The following DRC11 variants were observed in gnomAD, a reference collection of about 807,000 sequenced individuals.
DRC11 encodes IQ and AAA domain-containing protein 1.
At chr2:236,356,338 A>C in the DRC11 span, among the ~76,000 whole-genome samples, 1 of 152,166 alleles carries the variant, frequency 6.6e-6, no homozygotes, top group Admixed American at 6.5e-5. Flanking sequence ...TACAGGAAGA[A>C]GCAGGATGGC....
the DRC11 span, among the ~76,000 whole-genome samples, chr2:236,327,982 A>G: frequency 5.1e-3 from 770 of 152,238 alleles, 7 homozygotes; most frequent in Middle Eastern, 0.01. Flanking sequence ...TTTCACTATC[A>G]AAAGTTCTAT....
chr2:236,361,156 C>A, the DRC11 span, among the ~76,000 whole-genome samples: 27,056 of 151,922 alleles, frequency 0.18, 2,691 homozygotes, highest in Non-Finnish European at 0.23. The surrounding 1 kb of genome is among the most constrained non-coding windows in gnomAD (Gnocchi z 5.7). Flanking sequence ...ATGAAATGGG[C>A]GGATAGAGAA....
chr2:236,502,548 C>CAAAAAAAAAAAAAAAAAAAAA, the DRC11 span, among the ~76,000 whole-genome samples: 12 of 15,088 alleles, frequency 8.0e-4, 2 homozygotes, highest in African/African-American at 1.1e-3. Context: ...TGCACTCCAG[C>CAAAAAAAAAAAAAAAAAAAAA]AAAAAAAAAA....
chr2:236,423,268 T>G, the DRC11 span, among the ~76,000 whole-genome samples: 1 of 151,566 alleles, frequency 6.6e-6, no homozygotes, highest in Admixed American at 6.6e-5. Flanking sequence ...ACAGGCAACC[T>G]ACAGAATGGG....
At chr2:236,338,694 C>G in the DRC11 span, among the ~76,000 whole-genome samples, 1 of 152,136 alleles carries the variant, frequency 6.6e-6, no homozygotes, top group Non-Finnish European at 1.5e-5. Flanking sequence ...GAAGCTCACT[C>G]GGACCTGTAA....
At chr2:236,504,507 C>T in the DRC11 span, among the ~76,000 whole-genome samples, 5 of 152,158 alleles carry the variant, frequency 3.3e-5, no homozygotes, top group Non-Finnish European at 7.3e-5. This position sits in a 1 kb window ranked among gnomAD's most constrained non-coding sequence, Gnocchi z 5.0. Flanking sequence ...AAAATAGAAA[C>T]CAGTGTCCTG....
chr2:236,389,311 G>C, the DRC11 span, among the ~76,000 whole-genome samples: 2 of 152,196 alleles, frequency 1.3e-5, no homozygotes, highest in African/African-American at 4.8e-5. Flanking sequence ...AGCAACCAGC[G>C]AGACTCCATG....
At chr2:236,421,287 G>C in the DRC11 span, among the ~76,000 whole-genome samples, 1 of 152,052 alleles carries the variant, frequency 6.6e-6, no homozygotes, top group Non-Finnish European at 1.5e-5. Context: ...TTTTTGAAAA[G>C]ATCAACTAAA....
At chr2:236,462,209 T>C in the DRC11 span, among the ~76,000 whole-genome samples, 6 of 152,060 alleles carry the variant, frequency 3.9e-5, no homozygotes, top group African/African-American at 1.2e-4. The surrounding 1 kb of genome is among the most constrained non-coding windows in gnomAD (Gnocchi z 6.4). Flanking sequence ...TGGTACCACC[T>C]ATGCTCATGG....
At chr2:236,335,051 T>G in the DRC11 span, among the ~76,000 whole-genome samples, 2 of 152,186 alleles carry the variant, frequency 1.3e-5, no homozygotes, top group Non-Finnish European at 2.9e-5. The surrounding 1 kb of genome is among the most constrained non-coding windows in gnomAD (Gnocchi z 5.6). Context: ...ACCTGAGGGC[T>G]GTGTTTCCTC....
At chr2:236,487,063 A>C in the DRC11 span, among the ~76,000 whole-genome samples, 2 of 152,208 alleles carry the variant, frequency 1.3e-5, no homozygotes, top group Non-Finnish European at 2.9e-5. Context: ...CTGTGATCAC[A>C]GGCAAAAACA....
At chr2:236,306,898 T>C in the DRC11 span, among the ~76,000 whole-genome samples, 32 of 152,292 alleles carry the variant, frequency 2.1e-4, no homozygotes, top group African/African-American at 7.2e-4. This position sits in a 1 kb window ranked among gnomAD's most constrained non-coding sequence, Gnocchi z 5.9. Flanking sequence ...TGTGTGTAAA[T>C]TATCACAGAG....
the DRC11 span, among the ~76,000 whole-genome samples, chr2:236,314,415 G>T: frequency 6.6e-6 from 1 of 152,156 alleles, no homozygotes; most frequent in Non-Finnish European, 1.5e-5. The surrounding 1 kb of genome is among the most constrained non-coding windows in gnomAD (Gnocchi z 4.5). Context: ...AAACAAGGAT[G>T]TCTTCTATGA....
chr2:236,493,938 T>G, the DRC11 span: 1 of 1,482,414 alleles, frequency 6.7e-7, no homozygotes. Flanking sequence ...ATGCCAGGAC[T>G]AGAACTTTAT....
chr2:236,502,572 A>AAAAAAAAAAAAAAAAAAAAAC, the DRC11 span, among the ~76,000 whole-genome samples: 1 of 142,824 alleles, frequency 7.0e-6, no homozygotes, highest in African/African-American at 2.7e-5. Context: ...AAAAAAAAAA[A>AAAAAAAAAAAAAAAAAAAAAC]AAAAAAAATA....
the DRC11 span, chr2:236,367,734 G>A: frequency 1.7e-5 from 3 of 178,134 alleles, no homozygotes; most frequent in Non-Finnish European, 2.4e-5. The surrounding 1 kb of genome is among the most constrained non-coding windows in gnomAD (Gnocchi z 4.8). Flanking sequence ...ATTTAGCAGT[G>A]AGAGTAGACG....
chr2:236,318,077 T>G, the DRC11 span, among the ~76,000 whole-genome samples: 2 of 152,200 alleles, frequency 1.3e-5, no homozygotes, highest in African/African-American at 4.8e-5. The surrounding 1 kb of genome is among the most constrained non-coding windows in gnomAD (Gnocchi z 7.0). Context: ...GCTTCTGGCC[T>G]GTTGCCAGTC....
At chr2:236,502,103 G>A in the DRC11 span, among the ~76,000 whole-genome samples, 1 of 152,132 alleles carries the variant, frequency 6.6e-6, no homozygotes, top group Non-Finnish European at 1.5e-5. Context: ...TCTTCAAAGT[G>A]CCAAAAACCA....
chr2:236,326,179 T>G, the DRC11 span, among the ~76,000 whole-genome samples: 1 of 152,256 alleles, frequency 6.6e-6, no homozygotes, highest in Non-Finnish European at 1.5e-5. Flanking sequence ...TACTAGGAGT[T>G]TATTAGTTAA....
Sources: gnomAD v4.1 joint callset for allele counts (sites outside exome capture counted in the v4.1 genomes callset) on GRCh38, gnomAD v4.1.1 for gene constraint, Gnocchi (gnomAD v3.1) non-coding constraint, MANE v1.5 for transcripts, NCBI Gene and HGNC (gene_info 2026-07-23, HGNC 2026-07-21) for gene names.